The following AGMO variants were observed in gnomAD, a reference collection of about 807,000 sequenced individuals.
AGMO encodes alkylglycerol monooxygenase, also known as glyceryl-ether monooxygenase.
AGMO carries 75 observed loss-of-function variants against 60.2 expected under a neutral mutation model. The observed-to-expected ratio is 1.25, with a 90% CI of 1.03 to 1.51. The LOEUF (loss-of-function observed/expected upper bound fraction) is 1.51, where lower values mean the gene tolerates loss of function less well. Ranked by LOEUF, AGMO falls within the 40% of genes most tolerant of loss-of-function variation. The probability of loss-of-function intolerance (pLI) is 0.00; values close to 1 mark genes in which losing one functional copy is unlikely to be tolerated. For missense variants in AGMO, 763 were observed against 525.5 expected, an observed-to-expected ratio of 1.45 and a Z score of -4.42; for synonymous variants, 261 against 177.1, an observed-to-expected ratio of 1.47 and a Z score of -3.76.
chr7:15,420,023 T>C (rs895565515), intron 4 of AGMO, among the ~76,000 whole-genome samples: 4 of 152,108 alleles, frequency 2.6e-5, no homozygotes, highest in Non-Finnish European at 4.4e-5. Context: ...AGGAGTGTTT[T>C]GGAATCTCCT....
chr7:15,405,415 T>A (rs1784660133), intron 5 of AGMO, among the ~76,000 whole-genome samples: 2 of 151,928 alleles, frequency 1.3e-5, no homozygotes, highest in South Asian at 4.1e-4. Flanking sequence ...TTACATTCAG[T>A]CTAATGCTTG....
intron 5 of AGMO, among the ~76,000 whole-genome samples, chr7:15,412,834 G>A (rs1356419930): frequency 6.6e-6 from 1 of 152,036 alleles, no homozygotes; most frequent in Non-Finnish European, 1.5e-5. Context: ...ATACAGGGTA[G>A]TTAGCCAATT....
intron 12 of AGMO, among the ~76,000 whole-genome samples, chr7:15,202,889 T>A (rs1781336609): frequency 6.6e-6 from 1 of 152,104 alleles, no homozygotes; most frequent in South Asian, 2.1e-4. Context: ...ATGAGTTGCA[T>A]TTGTCCATGA....
chr7:15,148,251 A>AT, the AGMO span, among the ~76,000 whole-genome samples: 2 of 152,094 alleles, frequency 1.3e-5, no homozygotes, highest in African/African-American at 4.8e-5. Flanking sequence ...ATCTCTTATG[A>AT]GTAAAATGTA....
intron 12 of AGMO, among the ~76,000 whole-genome samples, chr7:15,226,322 A>C (rs912713809): frequency 2.6e-5 from 4 of 152,238 alleles, no homozygotes; most frequent in African/African-American, 9.6e-5. Flanking sequence ...TTAGGTTCTG[A>C]ATTACAAGGA....
intron 3 of AGMO, among the ~76,000 whole-genome samples, chr7:15,455,833 G>C (rs80054592): frequency 0.038 from 5,833 of 152,056 alleles, 361 homozygotes; most frequent in African/African-American, 0.13. Context: ...GAAGCTGCTA[G>C]TTTACGTTTC....
chr7:15,161,096 C>G, the AGMO span, among the ~76,000 whole-genome samples: 1,209 of 152,290 alleles, frequency 7.9e-3, 14 homozygotes, highest in African/African-American at 0.027. Flanking sequence ...TTAATGAGGG[C>G]AGAGCCCTCA....
chr7:15,360,709 G>GAA (rs368908746), intron 12 of AGMO, among the ~76,000 whole-genome samples: 296 of 150,784 alleles, frequency 2.0e-3, no homozygotes, highest in African/African-American at 6.9e-3. Flanking sequence ...AATATTTATT[G>GAA]AAAAAAAAAT....
At chr7:15,396,336 G>C (rs567284435) in intron 5 of AGMO, 1 of 152,180 alleles carries the variant, frequency 6.6e-6, no homozygotes, top group East Asian at 1.9e-4. Context: ...GGTCTCGCTG[G>C]CTTCAGGAGT....
At chr7:15,291,443 A>G (rs375813897) in intron 12 of AGMO, among the ~76,000 whole-genome samples, 1 of 152,196 alleles carries the variant, frequency 6.6e-6, no homozygotes, top group Non-Finnish European at 1.5e-5. Flanking sequence ...TGTTCTTCTT[A>G]AGTATGACTC....
chr7:15,303,741 T>G (rs1241550547), intron 12 of AGMO, among the ~76,000 whole-genome samples: 1 of 151,974 alleles, frequency 6.6e-6, no homozygotes, highest in African/African-American at 2.4e-5. Flanking sequence ...AAAAATGAAA[T>G]ATTAAGTTAG....
At chr7:15,195,499 A>T (rs975141548), downstream of AGMO, among the ~76,000 whole-genome samples, 2 of 152,076 alleles carry the variant, frequency 1.3e-5, no homozygotes, top group Admixed American at 6.5e-5. Context: ...ACTCCACCCT[A>T]ATCTTTTTAT....
chr7:15,556,219 G>GTTTTTTTTT (rs71004394), intron 2 of AGMO, among the ~76,000 whole-genome samples: 3 of 91,482 alleles, frequency 3.3e-5, no homozygotes, highest in African/African-American at 7.7e-5. Context: ...CTCCTTTTTA[G>GTTTTTTTTT]TTTTTTTTTT....
At chr7:15,549,167 C>T (rs1422355354) in intron 2 of AGMO, among the ~76,000 whole-genome samples, 16 of 144,472 alleles carry the variant, frequency 1.1e-4, no homozygotes, top group African/African-American at 3.9e-4. Context: ...CTGAAGGAAG[C>T]GCTAAACATG....
At chr7:15,214,398 CA>C (rs1459256211) in intron 12 of AGMO, among the ~76,000 whole-genome samples, 2 of 151,952 alleles carry the variant, frequency 1.3e-5, no homozygotes, top group Non-Finnish European at 2.9e-5. Context: ...GCACATGCAG[CA>C]AAAGTTATGC....
intron 2 of AGMO, among the ~76,000 whole-genome samples, chr7:15,552,986 C>G (rs992302024): frequency 6.6e-6 from 1 of 152,012 alleles, no homozygotes; most frequent in Non-Finnish European, 1.5e-5. Context: ...GAATACTACA[C>G]AGCCATAAAA....
the AGMO span, among the ~76,000 whole-genome samples, chr7:15,164,278 A>C: frequency 1.3e-5 from 2 of 152,140 alleles, no homozygotes. Context: ...AAGACCTGAA[A>C]CTATAAAAAT....
Position 15,493,362 on chromosome 7 carries a change from C to CAAAT in AGMO, c.409+51409_409+51410insATTT, listed in dbSNP as rs71004386. ...ACACACACACACACACACACACACA[C>CAAAT]TTCTTTTTTTTTTTTTTTTTTTTTT... On this transcript the variant is annotated intron_variant, in intron 3 of 12. Transcript: ENST00000342526. Among the ~76,000 whole-genome samples, 2 of 102,262 alleles carry CAAAT rather than the reference C, an allele frequency of 2.0e-5. 1 individual carries two copies. Among genetic ancestry groups the CAAAT allele is most frequent in the Non-Finnish European group, 3.7e-5 (2 of 54,674 alleles). 67.1% of individuals were successfully genotyped at this position (102,262 alleles called of 152,430 possible).
chr7:15,387,274 C>A (rs1783954355), intron 9 of AGMO, 132 bp downstream of exon 9: 1 of 1,057,980 alleles, frequency 9.5e-7, no homozygotes, highest in Admixed American at 2.3e-5. Flanking sequence ...AAGTTATGCA[C>A]CACAGGACTG....
Sources: allele counts gnomAD v4.1 joint callset (sites outside exome capture counted in the v4.1 genomes callset), GRCh38; gene constraint gnomAD v4.1.1; transcripts MANE v1.5; gene names NCBI Gene and HGNC (gene_info 2026-07-23, HGNC 2026-07-21).